Variants in XCR1 observed in about 807,000 individuals in gnomAD.
The protein encoded by XCR1 is chemokine XC receptor 1.
For missense variants in XCR1, 356 were observed against 424.2 expected (o/e 0.84, Z 1.41); for synonymous variants, 187 against 188.5 (o/e 0.99, Z 0.06).
intron 1 of XCR1, among the ~76,000 whole-genome samples, chr3:46,077,552 C>A (rs1197308112): frequency 6.6e-6 from 1 of 152,050 alleles, no homozygotes; most frequent in Non-Finnish European, 1.5e-5. Flanking sequence ...AAATGTAATG[C>A]ACTTGCTTCA....
At chr3:46,067,375 G>T (rs1421936270) in intron 3 of XCR1, among the ~76,000 whole-genome samples, 1 of 152,144 alleles carries the variant, frequency 6.6e-6, no homozygotes, top group Non-Finnish European at 1.5e-5. Flanking sequence ...GCCATCAGGG[G>T]GTTCAGTGTG....
chr3:46,055,572 AC>A (rs539358808), intron 4 of XCR1, among the ~76,000 whole-genome samples: 63 of 152,328 alleles, frequency 4.1e-4, no homozygotes, highest in Admixed American at 1.0e-3. Context: ...CCTCAGTGAG[AC>A]AGATTTGAAG....
intron 4 of XCR1, among the ~76,000 whole-genome samples, chr3:46,064,485 A>G (rs1221414626): frequency 6.6e-6 from 1 of 152,098 alleles, no homozygotes; most frequent in Non-Finnish European, 1.5e-5. Flanking sequence ...TCCCACTGAG[A>G]GATGAAGTCC....
intron 3 of XCR1, among the ~76,000 whole-genome samples, chr3:46,074,425 G>T (rs1262341552): frequency 6.6e-6 from 1 of 151,940 alleles, no homozygotes; most frequent in Non-Finnish European, 1.5e-5. Context: ...TATACACATG[G>T]ACATAGAATG....
At position 46,063,509 on chromosome 3, in the gene XCR1, C is replaced by T. The variant is rs538758255; in HGVS notation, c.-183+3390G>A. ...AAACTCCTGCTGGTGCCTCCACTGT[C>T]GCCAACCAGGAGAAAAGGGAACTGT... is the stretch of plus-strand genomic sequence containing the variant. On this transcript the variant is annotated intron_variant, in intron 4 of 5. Transcript: ENST00000683768. 5.3e-5 allele frequency among the ~76,000 whole-genome samples: 8 copies of T among 152,304 alleles called. No homozygotes were observed. The East Asian group carries it at 9.6e-4, about 18-fold the overall frequency.
At chr3:46,036,536 A>G (rs932167917) in intron 5 of XCR1, among the ~76,000 whole-genome samples, 2 of 152,254 alleles carry the variant, frequency 1.3e-5, no homozygotes, top group Non-Finnish European at 2.9e-5. Flanking sequence ...TCAAGTTCAC[A>G]TGACTTAAGT....
intron 4 of XCR1, among the ~76,000 whole-genome samples, chr3:46,055,317 A>G (rs1007535474): frequency 4.6e-5 from 7 of 152,240 alleles, no homozygotes; most frequent in African/African-American, 1.7e-4. Flanking sequence ...GTACATGAAC[A>G]AAACAATCAT....
chr3:46,034,060 C>T (rs900751267), intron 5 of XCR1, among the ~76,000 whole-genome samples: 23 of 152,112 alleles, frequency 1.5e-4, no homozygotes, highest in South Asian at 4.1e-4. Context: ...GCAACCTCTG[C>T]CTCCTGGGTT....
Position 46,020,130 on chromosome 3 carries a change from G to A in XCR1, c.*816C>T, listed in dbSNP as rs906602558. ...CTGGGAAGGATGAGATGTCGGAGGA[G>A]TCCACCCTAGATGCCTTCACCAAGG... On this transcript the variant is annotated 3_prime_UTR_variant, in exon 2 of 2. Transcript: ENST00000309285. The A allele has an allele frequency of 6.6e-6, 1 of 152,264 alleles. No homozygotes were observed. Among genetic ancestry groups the A allele is most frequent in the African/African-American group, 2.4e-5 (1 of 41,456 alleles). 9.4% of individuals were successfully genotyped at this position (152,264 alleles called of 1,614,324 possible). A position where few individuals can be genotyped will look rare whatever the true frequency, so the allele number is the denominator to read the frequency against.
chr3:46,081,706 T>TC (rs751946435), intron 1 of XCR1, among the ~76,000 whole-genome samples: 1 of 149,678 alleles, frequency 6.7e-6, no homozygotes, highest in African/African-American at 2.4e-5. Flanking sequence ...TTTTTTTTTT[T>TC]AAAAATCTTA....
rs186928313 is a variant in XCR1 at position 46,048,449 on chromosome 3, G to A, written c.-32+5471C>T. Among the ~76,000 whole-genome samples, 20 of 152,224 alleles carry A rather than the reference G, an allele frequency of 1.3e-4. No individual in the cohort carries two copies. The East Asian group carries it at 3.5e-3, about 26-fold the overall frequency. On this transcript the variant is annotated intron_variant, in intron 5 of 5. Coordinates refer to the XCR1 transcript ENST00000683768. ...TTCTTGAGTTGTCCCCAGGTTACGG[G>A]GGTTGATGTCATTGTGATTCTGGTC... is the stretch of plus-strand genomic sequence containing the variant.
At chr3:46,072,350 T>A (rs2125902995) in intron 3 of XCR1, among the ~76,000 whole-genome samples, 1 of 151,874 alleles carries the variant, frequency 6.6e-6, no homozygotes, top group East Asian at 1.9e-4. Context: ...GAAATCCTGT[T>A]TCTACAAAAA....
chr3:46,069,802 G>A (rs1231668883), intron 3 of XCR1, among the ~76,000 whole-genome samples: 1 of 151,642 alleles, frequency 6.6e-6, no homozygotes, highest in African/African-American at 2.4e-5. Context: ...ATTTCATTTA[G>A]TTCTGCTCTC....
intron 5 of XCR1, among the ~76,000 whole-genome samples, chr3:46,050,894 T>C (rs548993823): frequency 6.6e-6 from 1 of 152,332 alleles, no homozygotes; most frequent in African/African-American, 2.4e-5. Flanking sequence ...GCTCTCAAAT[T>C]ATGCAGCAAT....
chr3:46,052,738 A>G (rs1697772316), intron 5 of XCR1, among the ~76,000 whole-genome samples: 1 of 152,238 alleles, frequency 6.6e-6, no homozygotes, highest in Non-Finnish European at 1.5e-5. Context: ...CGCGTTCATA[A>G]TCTGCGTTTG....
chr3:46,021,764 G>A lies in XCR1; in HGVS notation c.184C>T (p.Leu62=), dbSNP rs1708158545. 2 of 1,614,174 alleles carry A rather than the reference G, an allele frequency of 1.2e-6. No individual in the cohort carries two copies. The highest frequency in any genetic ancestry group is 2.2e-5 in the South Asian group (2 of 91,080). Residue 62 remains leucine, a synonymous_variant, in exon 2 of 2, where the codon CTG becomes TTG. Transcript: ENST00000309285. The surrounding 1 kb of genome is among the most constrained non-coding windows in gnomAD (Gnocchi z 4.7). ...ATGAAGATGTTGGTGAGGGACTCCA[G>A]GCTCTCATACTTCACCAGGACCCAC... ...VLWVLVKYES[L]ESLTNIFILN...
chr3:46,080,348 T>G lies in XCR1; in HGVS notation c.-514-3422A>C, dbSNP rs376113860. ...GACAATGCCGCTAAGAATGCAGTCC[T>G]GAAGGTTACATCAGACAATAGATAC... On this transcript the variant is annotated intron_variant, in intron 1 of 5. Coordinates refer to the XCR1 transcript ENST00000683768. Among the ~76,000 whole-genome samples, 78 of 152,330 alleles carry G rather than the reference T, an allele frequency of 5.1e-4. 5 individuals are homozygous for G. The East Asian group carries it at 6.4e-3, about 12-fold the overall frequency.
At chr3:46,078,033 C>T (rs1467545023) in intron 1 of XCR1, among the ~76,000 whole-genome samples, 4 of 152,078 alleles carry the variant, frequency 2.6e-5, no homozygotes, top group Admixed American at 1.3e-4. Context: ...CAGCATCATG[C>T]AATATAGCCA....
chr3:46,042,382 T>G (rs1697551429), intron 5 of XCR1, among the ~76,000 whole-genome samples: 1 of 152,002 alleles, frequency 6.6e-6, no homozygotes, highest in Non-Finnish European at 1.5e-5. Flanking sequence ...AGAATCAAAG[T>G]TTGCTCTTTA....
Sources: allele counts gnomAD v4.1 joint callset (sites outside exome capture counted in the v4.1 genomes callset), GRCh38; gene constraint gnomAD v4.1.1; non-coding constraint Gnocchi (gnomAD v3.1); transcripts MANE v1.5; gene names NCBI Gene and HGNC (gene_info 2026-07-23, HGNC 2026-07-21).